The following NPAS2 variants were observed in gnomAD, a reference collection of about 807,000 sequenced individuals.
The protein encoded by NPAS2 is neuronal PAS domain-containing protein 2.
A neutral mutation model predicts 107.5 loss-of-function variants in NPAS2; 23 were observed. That is an observed-to-expected ratio of 0.21 (90% CI 0.15 to 0.30). NPAS2 has a LOEUF of 0.30. Among genes scored for constraint, NPAS2 ranks in the 10% least tolerant of loss-of-function variants. The pLI, the probability that NPAS2 is intolerant of heterozygous loss-of-function variation, is 1.00. For missense variants in NPAS2, 756 were observed against 1,043.3 expected (o/e 0.72, Z 3.79); for synonymous variants, 403 against 417.5 (o/e 0.97, Z 0.42).
At chr2:100,857,863 T>C (rs1035144873) in intron 1 of NPAS2, among the ~76,000 whole-genome samples, 1 of 152,258 alleles carries the variant, frequency 6.6e-6, no homozygotes, top group African/African-American at 2.4e-5. Flanking sequence ...TGGTCTCTCT[T>C]ATGTCTGCTT....
intron 1 of NPAS2, among the ~76,000 whole-genome samples, chr2:100,844,793 G>A (rs1048005143): frequency 6.6e-6 from 1 of 152,190 alleles, no homozygotes; most frequent in Non-Finnish European, 1.5e-5. Context: ...TCTTTCCAGA[G>A]CAACAGTTGA....
At chr2:100,978,526 A>G (rs952583377) in intron 15 of NPAS2, among the ~76,000 whole-genome samples, 32 of 151,638 alleles carry the variant, frequency 2.1e-4, no homozygotes, top group African/African-American at 7.5e-4. Context: ...TGTTTAAAAA[A>G]AAAGAAAGAA....
At chr2:100,882,613 A>AAAAC (rs143692609) in intron 1 of NPAS2, among the ~76,000 whole-genome samples, 12,977 of 152,084 alleles carry the variant, frequency 0.085, 918 homozygotes, top group East Asian at 0.37. Flanking sequence ...ACTCCGTCTC[A>AAAAC]AAACAAACAA....
chr2:100,819,082 T>A (rs1000534031), upstream of NPAS2, among the ~76,000 whole-genome samples: 3 of 151,800 alleles, frequency 2.0e-5, no homozygotes, highest in African/African-American at 7.3e-5. The surrounding 1 kb of genome is among the most constrained non-coding windows in gnomAD (Gnocchi z 5.8). Flanking sequence ...AAATCCTCCC[T>A]GTTTCTCGCG....
At chr2:100,827,132 G>A (rs1676438167) in intron 1 of NPAS2, among the ~76,000 whole-genome samples, 1 of 152,132 alleles carries the variant, frequency 6.6e-6, no homozygotes, top group South Asian at 2.1e-4. Context: ...TTCTGGAAAT[G>A]GTGTTGGGAG....
At chr2:100,847,481 T>C (rs1436806497) in intron 1 of NPAS2, among the ~76,000 whole-genome samples, 2 of 152,172 alleles carry the variant, frequency 1.3e-5, no homozygotes, top group African/African-American at 2.4e-5. Flanking sequence ...ACCATTCTCC[T>C]GCCTCAGCCT....
At chr2:100,857,277 G>A (rs766612775) in intron 1 of NPAS2, among the ~76,000 whole-genome samples, 35 of 136,786 alleles carry the variant, frequency 2.6e-4, no homozygotes, top group Admixed American at 4.0e-4. Context: ...CAGCCTGGGC[G>A]ACAAGAGTGA....
rs966220257 is a variant in NPAS2, at chr2:100,938,989, G to A, written c.363+1147G>A. Among the ~76,000 whole-genome samples, 3 of 152,278 alleles carry A rather than the reference G, an allele frequency of 2.0e-5. No individual in the cohort carries two copies. The East Asian group carries it at 5.8e-4, about 29-fold the overall frequency. On this transcript the variant is annotated intron_variant, in intron 5 of 20. Transcript: ENST00000335681. Reference sequence around the variant, plus strand: ...TTCACACATAGGAAAGCTTGGGCCAGGATGATGCTGGAGGACCGCGGTTCC... The same window carrying A: ...TTCACACATAGGAAAGCTTGGGCCAAGATGATGCTGGAGGACCGCGGTTCC...
chr2:100,932,616 C>T (rs973391657), intron 3 of NPAS2, among the ~76,000 whole-genome samples: 3 of 152,168 alleles, frequency 2.0e-5, no homozygotes, highest in Non-Finnish European at 1.5e-5. Flanking sequence ...CAACTGTTGA[C>T]GATGGAGTTC....
At chr2:100,932,849 T>G in intron 3 of NPAS2, 61 bp from the exon 4 acceptor site, 2 of 1,150,012 alleles carry the variant, frequency 1.7e-6, no homozygotes, top group Middle Eastern at 1.9e-4. Context: ...TGTGCTTCAT[T>G]TGTTAATTCC....
chr2:100,890,013 G>C (rs572239859), intron 1 of NPAS2, among the ~76,000 whole-genome samples: 12 of 152,108 alleles, frequency 7.9e-5, no homozygotes, highest in African/African-American at 2.4e-4. Flanking sequence ...TTTTCCTTGC[G>C]TGCACACCCT....
At chr2:100,885,194 C>G (rs1172684980) in intron 1 of NPAS2, among the ~76,000 whole-genome samples, 1 of 152,180 alleles carries the variant, frequency 6.6e-6, no homozygotes, top group Non-Finnish European at 1.5e-5. Context: ...TCATGATCCG[C>G]CTGCCTCGGC....
intron 1 of NPAS2, 99 bp from the exon 2 acceptor site, chr2:100,904,634 C>A: frequency 1.1e-6 from 1 of 896,446 alleles, no homozygotes; most frequent in South Asian, 1.7e-5. Context: ...AACCACTGGG[C>A]TAAGACCAAA....
intron 1 of NPAS2, among the ~76,000 whole-genome samples, chr2:100,891,375 T>G (rs912023445): frequency 6.6e-6 from 1 of 152,128 alleles, no homozygotes; most frequent in Non-Finnish European, 1.5e-5. Context: ...GGGTATGTCC[T>G]ACCAACAAGG....
intron 1 of NPAS2, among the ~76,000 whole-genome samples, chr2:100,879,239 T>C (rs1680180044): frequency 6.6e-6 from 1 of 152,190 alleles, no homozygotes; most frequent in East Asian, 1.9e-4. Flanking sequence ...ATAAATGTTA[T>C]TGTATTTAGG....
At chr2:100,907,522 A>ACACACACACC (rs765224232) in intron 2 of NPAS2, among the ~76,000 whole-genome samples, 2 of 149,558 alleles carry the variant, frequency 1.3e-5, no homozygotes, top group South Asian at 2.1e-4. Flanking sequence ...ACACACACAC[A>ACACACACACC]CCCCTAAGAT....
At chr2:100,991,268 G>A (rs780766393) in intron 19 of NPAS2, among the ~76,000 whole-genome samples, 3 of 152,020 alleles carry the variant, frequency 2.0e-5, no homozygotes, top group Admixed American at 6.5e-5. Flanking sequence ...CACCGTGCTC[G>A]GGCCCGTCTC....
At chr2:100,956,538 A>G (rs1675577121) in intron 7 of NPAS2, among the ~76,000 whole-genome samples, 1 of 152,168 alleles carries the variant, frequency 6.6e-6, no homozygotes. Flanking sequence ...CGCAAAGGAC[A>G]TGTTTTCATT....
intron 2 of NPAS2, among the ~76,000 whole-genome samples, chr2:100,921,739 A>G (rs1199814997): frequency 6.6e-6 from 1 of 152,218 alleles, no homozygotes; most frequent in Non-Finnish European, 1.5e-5. Flanking sequence ...CAACGGCTAA[A>G]CATTTCAATG....
Sources: gnomAD v4.1 joint callset for allele counts (sites outside exome capture counted in the v4.1 genomes callset) on GRCh38, gnomAD v4.1.1 for gene constraint, Gnocchi (gnomAD v3.1) non-coding constraint, MANE v1.5 for transcripts, NCBI Gene and HGNC (gene_info 2026-07-23, HGNC 2026-07-21) for gene names.